Variants in TPP1 observed in about 807,000 individuals in gnomAD.
TPP1 encodes tripeptidyl peptidase 1, also known as tripeptidyl-peptidase 1.
Under a neutral mutation model 67.6 loss-of-function variants are expected in TPP1, and 43 were observed. The observed-to-expected ratio is 0.64, with a 90% CI of 0.50 to 0.82. The LOEUF (loss-of-function observed/expected upper bound fraction) is 0.82, where lower values mean the gene tolerates loss of function less well. TPP1 is among the 40% of genes least tolerant of loss of function. The probability of loss-of-function intolerance (pLI) is 0.00; values close to 1 mark genes in which losing one functional copy is unlikely to be tolerated. For missense variants in TPP1, 671 were observed against 710.9 expected, an observed-to-expected ratio of 0.94 and a Z score of 0.64; for synonymous variants, 272 against 281.5, an observed-to-expected ratio of 0.97 and a Z score of 0.34.
chr11:6,618,251 A>C, intron 3 of TPP1: 2 of 327,896 alleles, frequency 6.1e-6, no homozygotes, highest in South Asian at 5.4e-5. Flanking sequence ...GTTCACAAGC[A>C]CACACTCCCC....
chr11:6,616,016 G>A lies in TPP1; in HGVS notation c.1134C>T (p.Phe378=). The stretch of plus-strand genomic sequence containing the variant: ...GCTAGAGTACTTACCTGGAGGCAGG[G>A]AAGGTAGGGCGGAACTGGTGTCTTC... The part of the protein sequence containing the change: ...VSGRHQFRPT[F]PASSPYVTTV... The change falls in exon 9 of 13, where the codon TTC becomes TTT. Residue 378 remains phenylalanine, a synonymous_variant. Transcript: ENST00000299427. 1 of 1,614,204 alleles carries A rather than the reference G, an allele frequency of 6.2e-7. No homozygotes were observed. The highest frequency in any genetic ancestry group is 8.5e-7 in the Non-Finnish European group (1 of 1,180,028).
In TPP1 at chr11:6,617,362, A is replaced by G. The variant is rs2134595676; in HGVS notation, c.447T>C (p.His149=). ...GGTAGGGATGTGGGGACCTTACAAC[A>G]TGGGTTTCCGTAGGTCCTCCCACAT... ...HHYVGGPTET[H]VVRSPHPYQL... is the part of the protein sequence containing the mutation. The change falls in exon 5 of 13, where the codon CAT becomes CAC. Residue 149 remains histidine (H), a synonymous_variant. Transcript: ENST00000299427. 6.2e-7 allele frequency: 1 copy of G among 1,614,046 alleles called. No individual in the cohort carries two copies. Among genetic ancestry groups the G allele is most frequent in the East Asian group, 2.2e-5 (1 of 44,876 alleles).
Position 6,616,648 on chromosome 11 carries a change from C to T in TPP1, c.886+13G>A. The stretch of plus-strand genomic sequence containing the variant: ...CCACCCCCTTCCCCACTGTCCAGTC[C>T]TCTTGGTAGTACCAGGGCTACTGTA... On this transcript the variant is annotated intron_variant, in intron 7 of 12. Coordinates refer to ENST00000299427, the MANE Select transcript of TPP1 (RefSeq NM_000391.4). 6.2e-7 allele frequency: 1 copy of T among 1,613,910 alleles called. No individual in the cohort carries two copies. The highest frequency in any genetic ancestry group is 8.5e-7 in the Non-Finnish European group (1 of 1,179,984).
In TPP1 at chr11:6,616,841, G is replaced by A. The variant is rs1414373834; in HGVS notation, c.706C>T (p.His236Tyr). 8.7e-6 allele frequency: 14 copies of A among 1,613,778 alleles called. No individual in the cohort carries two copies. The Admixed American group carries it at 2.0e-4, about 23-fold the overall frequency. The change falls in exon 7 of 13, where the codon CAT becomes TAT. Residue 236 changes from histidine to tyrosine, a missense_variant. Physicochemically the swap from His to Tyr is moderately conservative, Grantham distance 83. Transcript: ENST00000299427. ...ACAQFLEQYF[H>Y]DSDLAQFMRL... is the part of the protein sequence containing the mutation. ...ATGAACTGAGCCAGGTCTGAGTCATGGAAATACTGCTCCAGGAACTATGGA... is the reference window on the plus strand; with the variant it reads ...ATGAACTGAGCCAGGTCTGAGTCATAGAAATACTGCTCCAGGAACTATGGA...
intron 10 of TPP1, 52 bp downstream of exon 10, chr11:6,615,390 G>C: frequency 6.2e-7 from 1 of 1,614,124 alleles, no homozygotes; most frequent in Non-Finnish European, 8.5e-7. Flanking sequence ...GCTGAACTGA[G>C]GATCCCCCAT....
rs1855574083 is a variant in TPP1 at position 6,615,992 on chromosome 11, C to T, written c.1145+13G>A. The T allele has an allele frequency of 6.2e-7, 1 of 1,613,892 alleles. No individual in the cohort carries two copies. Among genetic ancestry groups the T allele is most frequent in the African/African-American group, 1.3e-5 (1 of 74,884 alleles). On this transcript the variant is annotated intron_variant, in intron 9 of 12. Transcript: ENST00000299427. ...GTGGTGGTTATACCTGAGTGGTAGG[C>T]TAGAGTACTTACCTGGAGGCAGGGA...
Position 6,618,620 on chromosome 11 carries a change from A to AT in TPP1, c.229+155dup, listed in dbSNP as rs1250407920. On this transcript the variant is annotated intron_variant, in intron 3 of 12. Transcript: ENST00000299427. Reference sequence around the variant, plus strand: ...TCAGAATTTGAGTTCGTATTTGATCATAAAGCCTGTATACTGAACCACATC... The same window carrying AT: ...TCAGAATTTGAGTTCGTATTTGATCATTAAAGCCTGTATACTGAACCACATC... 3.9e-6 allele frequency: 4 copies of AT among 1,028,162 alleles called. No homozygotes were observed. The East Asian group carries it at 1.0e-4, about 27-fold the overall frequency. 63.7% of individuals were successfully genotyped at this position (1,028,162 alleles called of 1,614,324 possible).
chr11:6,615,291 G>A lies in TPP1; in HGVS notation c.1305C>T (p.His435=). The change falls in exon 11 of 13, where the codon CAC becomes CAT. Residue 435 remains histidine, a synonymous_variant. Coordinates refer to ENST00000299427, the MANE Select transcript of TPP1 (RefSeq NM_000391.4). The part of the protein sequence containing the change: ...AVTKFLSSSP[H]LPPSSYFNAS... ...CATTGAAGTAACTGGATGGTGGCAG[G>A]TGGGGGCTAGAGCTCAGGAACTTCG... The A allele has an allele frequency of 1.2e-6, 2 of 1,614,200 alleles. No homozygotes were observed. Among genetic ancestry groups the A allele is most frequent in the Middle Eastern group, 1.6e-4 (1 of 6,062 alleles).
At chr11:6,618,952 G>C (rs183924850) in intron 2 of TPP1, 37 bp from the exon 3 acceptor site, 2 of 1,608,612 alleles carry the variant, frequency 1.2e-6, no homozygotes, top group Admixed American at 3.3e-5. Flanking sequence ...GCTTTGGTTA[G>C]GGTGGAGATG....
At position 6,616,871 on chromosome 11, in the gene TPP1, G is replaced by A; in HGVS notation, c.688-12C>T. ...TACTGCTCCAGGAACTATGGAGGGA[G>A]TCAGAGCAGAGATCGTGGGTCCGAG... is the stretch of plus-strand genomic sequence containing the variant. On this transcript the variant is annotated splice_polypyrimidine_tract_variant and intron_variant, in intron 6 of 12. Transcript: ENST00000299427. 1 of 1,614,052 alleles carries A rather than the reference G, an allele frequency of 6.2e-7. No homozygotes were observed. Among genetic ancestry groups the A allele is most frequent in the Non-Finnish European group, 8.5e-7 (1 of 1,180,018 alleles).
chr11:6,615,681 G>A (rs953903243), intron 9 of TPP1, 119 bp from the exon 10 acceptor site: 121 of 1,327,414 alleles, frequency 9.1e-5, no homozygotes, highest in Admixed American at 2.8e-4. Context: ...GGGGAAGCAT[G>A]TATATGGGAT....
At position 6,615,261 on chromosome 11, in the gene TPP1, A is replaced by T; in HGVS notation, c.1335T>A (p.Ser445Arg). 6.2e-7 allele frequency: 1 copy of T among 1,614,200 alleles called. No individual in the cohort carries two copies. The highest frequency in any genetic ancestry group is 8.5e-7 in the Non-Finnish European group (1 of 1,180,034). The change falls in exon 11 of 13, where the codon AGT becomes AGA. Residue 445 changes from serine (S) to arginine (R), a missense_variant. Physicochemically the swap from Ser to Arg is moderately radical, Grantham distance 110. Transcript: ENST00000299427. ...CAGCCACATCTGGGTAGGCACGGCC[A>T]CTGGCATTGAAGTAACTGGATGGTG... ...HLPPSSYFNASGRAYPDVAAL... is the reference protein window; with the variant it reads ...HLPPSSYFNARGRAYPDVAAL...
chr11:6,617,184 T>C, intron 5 of TPP1, 31 bp from the exon 6 acceptor site: 1 of 1,613,982 alleles, frequency 6.2e-7, no homozygotes, highest in Non-Finnish European at 8.5e-7. Flanking sequence ...TGAGGAGATC[T>C]TATAGACTGT....
At chr11:6,617,240 C>T (rs978291900) in intron 5 of TPP1, 61 bp downstream of exon 5, 6 of 1,613,806 alleles carry the variant, frequency 3.7e-6, no homozygotes, top group African/African-American at 2.7e-5. Flanking sequence ...CCAATGGCAT[C>T]TAAACTTCCT....
chr11:6,616,791 T>G lies in TPP1; in HGVS notation c.756A>C (p.Ala252=). The G allele has an allele frequency of 6.2e-7, 1 of 1,613,940 alleles. No individual in the cohort carries two copies. The highest frequency in any genetic ancestry group is 8.5e-7 in the Non-Finnish European group (1 of 1,180,010). ...CCACACGGGCTACTGATGCCTGATG[T>G]GCAAAGTTGCCACCGAAGAGGCGCA... is the stretch of plus-strand genomic sequence containing the variant. The part of the protein sequence containing the change: ...QFMRLFGGNF[A]HQASVARVVG... The change falls in exon 7 of 13, where the codon GCA becomes GCC. Residue 252 remains alanine, a synonymous_variant. Transcript: ENST00000299427.
chr11:6,616,568 A>C, intron 7 of TPP1, 65 bp from the exon 8 acceptor site: 1 of 1,593,858 alleles, frequency 6.3e-7, no homozygotes, highest in Non-Finnish European at 8.5e-7. Flanking sequence ...GGTTGTCAGG[A>C]TCTCTCTCCA....
chr11:6,616,525 T>A, intron 7 of TPP1, 22 bp from the exon 8 acceptor site: 1 of 1,570,954 alleles, frequency 6.4e-7, no homozygotes, highest in Non-Finnish European at 8.6e-7. Flanking sequence ...TTTTTTTTTT[T>A]TTTGAGGGAT....
At position 6,615,347 on chromosome 11, in the gene TPP1, G is replaced by A; in HGVS notation, c.1267-18C>T. On this transcript the variant is annotated intron_variant, in intron 10 of 12. Coordinates refer to ENST00000299427, the MANE Select transcript of TPP1 (RefSeq NM_000391.4). ...GCTTCCTCCTGAAAGGCATTTTTGA[G>A]TGAGTATTGGCATGTGGCCTGCCCA... The A allele has an allele frequency of 3.1e-6, 5 of 1,614,168 alleles. No individual in the cohort carries two copies. Among genetic ancestry groups the A allele is most frequent in the Non-Finnish European group, 4.2e-6 (5 of 1,180,020 alleles).
intron 3 of TPP1, 102 bp from the exon 4 acceptor site, chr11:6,617,878 A>T (rs1855610918): frequency 6.5e-7 from 1 of 1,546,608 alleles, no homozygotes; most frequent in African/African-American, 1.4e-5. Context: ...AAAGCCTGGA[A>T]CAGGGTAAAG....
Sources: allele counts gnomAD v4.1 joint callset, GRCh38; gene constraint gnomAD v4.1.1; transcripts MANE v1.5; gene names NCBI Gene and HGNC (gene_info 2026-07-23, HGNC 2026-07-21).